The following LCLAT1 variants were observed in gnomAD, a reference collection of about 807,000 sequenced individuals.
The protein encoded by LCLAT1 is 1-AGP acyltransferase 8.
Under a neutral mutation model 30.7 loss-of-function variants are expected in LCLAT1, and 11 were observed. The ratio of observed to expected loss-of-function variants is 0.36; its 90% CI spans 0.23 to 0.59. The LOEUF (loss-of-function observed/expected upper bound fraction) is 0.59, where lower values mean the gene tolerates loss of function less well. Among genes scored for constraint, LCLAT1 ranks in the 20% least tolerant of loss-of-function variants. The probability of loss-of-function intolerance (pLI) is 0.77; values close to 1 mark genes in which losing one functional copy is unlikely to be tolerated. For synonymous variants in LCLAT1, 155 were observed against 151.3 expected (o/e 1.02, Z -0.18); for missense variants, 402 against 458.6 (o/e 0.88, Z 1.13).
In LCLAT1 at chr2:30,641,512, A is replaced by G. The variant is rs369614361; in HGVS notation, c.*893A>G. The G allele has an allele frequency of 3.3e-5, 5 of 152,146 alleles. No homozygotes were observed. The highest frequency in any genetic ancestry group is 1.2e-4 in the African/African-American group (5 of 41,420). 9.4% of individuals were successfully genotyped at this position (152,146 alleles called of 1,614,324 possible). ...CTGTCTTTTGAAATATTTCTTTACA[A>G]CCTACCAAAAAAGGAAGGTTGTTTT... On this transcript the variant is annotated 3_prime_UTR_variant, in exon 6 of 6. Coordinates refer to ENST00000379509, the MANE Select transcript of LCLAT1 (RefSeq NM_001002257.3).
At chr2:30,522,187 A>G (rs746613713) in intron 1 of LCLAT1, among the ~76,000 whole-genome samples, 1 of 152,112 alleles carries the variant, frequency 6.6e-6, no homozygotes, top group Non-Finnish European at 1.5e-5. Flanking sequence ...GTGAATATAC[A>G]TTTTCATTTG....
chr2:30,590,661 T>C lies in LCLAT1; in HGVS notation c.628+22485T>C, dbSNP rs192322931. 4.0e-3 allele frequency among the ~76,000 whole-genome samples: 615 copies of C among 151,888 alleles called. 6 individuals are homozygous for C. Among genetic ancestry groups the C allele is most frequent in the African/African-American group, 0.014 (578 of 41,500 alleles). The stretch of plus-strand genomic sequence containing the variant: ...CTTGACATTAAAACAGATCATCTTA[T>C]GTTTCACTGTTTGAAACTCAGTAAG... On this transcript the variant is annotated intron_variant, in intron 5 of 5. Coordinates refer to ENST00000379509, the MANE Select transcript of LCLAT1 (RefSeq NM_001002257.3).
intron 5 of LCLAT1, among the ~76,000 whole-genome samples, chr2:30,588,006 C>G (rs1215825118): frequency 3.3e-5 from 5 of 152,212 alleles, no homozygotes; most frequent in Non-Finnish European, 7.3e-5. Context: ...CATCTCTCCC[C>G]AAATGTCCAA....
At chr2:30,624,275 A>G (rs190386624) in intron 5 of LCLAT1, among the ~76,000 whole-genome samples, 48 of 152,352 alleles carry the variant, frequency 3.2e-4, no homozygotes, top group Non-Finnish European at 6.0e-4. Flanking sequence ...TCTCAGTACT[A>G]ACATTGAATG....
At chr2:30,511,901 A>G (rs900769130) in intron 1 of LCLAT1, among the ~76,000 whole-genome samples, 5 of 152,174 alleles carry the variant, frequency 3.3e-5, no homozygotes, top group Non-Finnish European at 7.3e-5. Flanking sequence ...ACTGCCATTC[A>G]TCTCCATTTG....
chr2:30,639,060 A>C (rs1669175665), intron 5 of LCLAT1, among the ~76,000 whole-genome samples: 1 of 152,106 alleles, frequency 6.6e-6, no homozygotes, highest in South Asian at 2.1e-4. Context: ...TGAAATCCTT[A>C]AGTAGTTCTC....
intron 1 of LCLAT1, among the ~76,000 whole-genome samples, chr2:30,449,578 A>G (rs979952071): frequency 1.3e-5 from 2 of 149,192 alleles, no homozygotes; most frequent in African/African-American, 5.0e-5. Flanking sequence ...TCGGCTCACC[A>G]CAGCCTCTGC....
chr2:30,521,489 C>CTTTTTTTTTTTTTTTTTTTTTTT (rs1262784785), intron 1 of LCLAT1, among the ~76,000 whole-genome samples: 3 of 55,566 alleles, frequency 5.4e-5, no homozygotes, highest in Admixed American at 4.5e-4. Flanking sequence ...TAAACTACTT[C>CTTTTTTTTTTTTTTTTTTTTTTT]TTCTTTTTTT....
At chr2:30,532,906 C>G (rs1686049836) in intron 2 of LCLAT1, among the ~76,000 whole-genome samples, 1 of 152,108 alleles carries the variant, frequency 6.6e-6, no homozygotes, top group South Asian at 2.1e-4. Context: ...TTAATTAGGA[C>G]ATCACAGAAG....
rs372286462 is a variant in LCLAT1, at chr2:30,603,690, C to A, written c.628+35514C>A. On this transcript the variant is annotated intron_variant, in intron 5 of 5. Transcript: ENST00000379509. ...GGAAAACAACATATGAATAGAATCT[C>A]CAGGATTATTATGTTGAAGGAGGAT... is the stretch of plus-strand genomic sequence containing the variant. Among the ~76,000 whole-genome samples, 28 of 152,020 alleles carry A rather than the reference C, an allele frequency of 1.8e-4. No homozygotes were observed. In the East Asian group the frequency reaches 2.7e-3, roughly 15 times the overall value.
intron 1 of LCLAT1, among the ~76,000 whole-genome samples, chr2:30,513,042 G>A (rs149405968): frequency 3.1e-4 from 47 of 152,150 alleles, no homozygotes; most frequent in African/African-American, 1.1e-3. Context: ...AGTCTTAGTA[G>A]CAGGATAGAA....
chr2:30,546,512 G>A (rs1050046935), intron 3 of LCLAT1, among the ~76,000 whole-genome samples: 1 of 152,106 alleles, frequency 6.6e-6, no homozygotes, highest in Non-Finnish European at 1.5e-5. Flanking sequence ...AGTGATATGG[G>A]AATTGGAAAG....
intron 2 of LCLAT1, among the ~76,000 whole-genome samples, chr2:30,527,955 G>A (rs577755325): frequency 8.6e-4 from 131 of 152,180 alleles, no homozygotes; most frequent in African/African-American, 3.0e-3. Flanking sequence ...AGGTCCCTAC[G>A]GTCCCTGATG....
At chr2:30,476,696 A>G (rs953784657) in intron 1 of LCLAT1, 7 of 319,318 alleles carry the variant, frequency 2.2e-5, no homozygotes, top group African/African-American at 1.5e-4. Context: ...GAAATAAAGT[A>G]CGCAATAAAT....
chr2:30,472,970 A>G (rs966156848), intron 1 of LCLAT1, among the ~76,000 whole-genome samples: 1 of 152,142 alleles, frequency 6.6e-6, no homozygotes, highest in African/African-American at 2.4e-5. Context: ...GCATTAAATC[A>G]TAATTATGCC....
At chr2:30,466,419 A>G (rs144994264) in intron 1 of LCLAT1, among the ~76,000 whole-genome samples, 112 of 151,940 alleles carry the variant, frequency 7.4e-4, no homozygotes, top group African/African-American at 2.3e-3. Context: ...TATCTAATCA[A>G]TCATTTTTAC....
intron 1 of LCLAT1, among the ~76,000 whole-genome samples, chr2:30,486,717 G>A (rs1222375931): frequency 6.6e-6 from 1 of 152,132 alleles, no homozygotes; most frequent in Non-Finnish European, 1.5e-5. Flanking sequence ...AGTGGAAAAT[G>A]ATGTGTAGTG....
At chr2:30,449,743 G>A (rs1210018671) in intron 1 of LCLAT1, among the ~76,000 whole-genome samples, 3 of 152,036 alleles carry the variant, frequency 2.0e-5, no homozygotes, top group South Asian at 4.1e-4. Flanking sequence ...CAGGTGATCC[G>A]CCTGCCTCAG....
chr2:30,559,344 A>G (rs964239911), intron 3 of LCLAT1, among the ~76,000 whole-genome samples: 1 of 152,186 alleles, frequency 6.6e-6, no homozygotes, highest in Non-Finnish European at 1.5e-5. Context: ...TGTAAGTTAT[A>G]CCTCTATAAA....
Sources: gnomAD v4.1 joint callset for allele counts (sites outside exome capture counted in the v4.1 genomes callset) on GRCh38, gnomAD v4.1.1 for gene constraint, MANE v1.5 for transcripts, NCBI Gene and HGNC (gene_info 2026-07-23, HGNC 2026-07-21) for gene names.